Variants in CHST9 observed in about 807,000 individuals in gnomAD.
CHST9 encodes carbohydrate sulfotransferase 9, also known as GalNAc-4-sulfotransferase 2.
A neutral mutation model predicts 44.4 loss-of-function variants in CHST9; 41 were observed. That is an observed-to-expected ratio of 0.92 (90% CI 0.72 to 1.20). The LOEUF is 1.20. Ranked by LOEUF, CHST9 falls within the 50% of genes most tolerant of loss-of-function variation. The probability of loss-of-function intolerance (pLI) is 0.00; values close to 1 mark genes in which losing one functional copy is unlikely to be tolerated. For synonymous variants in CHST9, 171 were observed against 178.4 expected, an observed-to-expected ratio of 0.96 and a Z score of 0.33; for missense variants, 504 against 516.5, an observed-to-expected ratio of 0.98 and a Z score of 0.23.
At chr18:27,042,965 T>A (rs1183072354) in intron 3 of CHST9, among the ~76,000 whole-genome samples, 1 of 152,048 alleles carries the variant, frequency 6.6e-6, no homozygotes, top group Non-Finnish European at 1.5e-5. Flanking sequence ...TGAGTAGATA[T>A]CTCCCTGCAA....
At chr18:27,081,542 A>G (rs923464321) in intron 2 of CHST9, among the ~76,000 whole-genome samples, 17 of 151,658 alleles carry the variant, frequency 1.1e-4, no homozygotes, top group African/African-American at 4.1e-4. Flanking sequence ...TCCCATCCCA[A>G]CCCTCCTAGA....
intron 1 of CHST9, among the ~76,000 whole-genome samples, chr18:27,144,223 T>C (rs923318087): frequency 4.6e-5 from 7 of 152,214 alleles, no homozygotes; most frequent in African/African-American, 1.7e-4. Context: ...ATCAAAAAGT[T>C]ATCTCTTCTA....
chr18:27,000,650 A>ATCTATCTATCTC (rs1417417397), intron 4 of CHST9, among the ~76,000 whole-genome samples: 2 of 150,782 alleles, frequency 1.3e-5, no homozygotes, highest in Non-Finnish European at 3.0e-5. Context: ...CTATCTATCT[A>ATCTATCTATCTC]TCTATCTCTC....
At chr18:27,115,271 T>C (rs1337320389) in intron 2 of CHST9, among the ~76,000 whole-genome samples, 5 of 152,214 alleles carry the variant, frequency 3.3e-5, no homozygotes, top group Admixed American at 2.6e-4. Flanking sequence ...ATTTGAATTG[T>C]TTGAACTTTA....
chr18:26,952,871 G>A (rs942861761), intron 4 of CHST9, among the ~76,000 whole-genome samples: 1 of 152,116 alleles, frequency 6.6e-6, no homozygotes, highest in Non-Finnish European at 1.5e-5. Flanking sequence ...AGTGCCTCCT[G>A]AGAAGTGTTT....
chr18:27,031,745 T>G (rs2057342913), intron 3 of CHST9, among the ~76,000 whole-genome samples: 1 of 152,178 alleles, frequency 6.6e-6, no homozygotes, highest in African/African-American at 2.4e-5. Flanking sequence ...ATAGGCCACT[T>G]CTAATCCCAA....
At chr18:27,124,078 G>A (rs189729752) in intron 2 of CHST9, among the ~76,000 whole-genome samples, 6 of 152,284 alleles carry the variant, frequency 3.9e-5, no homozygotes, top group African/African-American at 1.2e-4. Flanking sequence ...AGTGCTACCC[G>A]CTGCACACAC....
At chr18:27,078,108 A>T (rs1187824973) in intron 2 of CHST9, among the ~76,000 whole-genome samples, 2 of 152,202 alleles carry the variant, frequency 1.3e-5, no homozygotes, top group African/African-American at 4.8e-5. Flanking sequence ...ACTGAGAATT[A>T]CAATTTGACT....
intron 1 of CHST9, among the ~76,000 whole-genome samples, chr18:27,172,255 AAAC>A (rs2058838959): frequency 5.3e-5 from 8 of 152,134 alleles, no homozygotes; most frequent in Admixed American, 5.2e-4. Flanking sequence ...CTATAAATTC[AAAC>A]AACTTTTAAC....
chr18:27,130,882 C>T (rs1479106722), intron 2 of CHST9, among the ~76,000 whole-genome samples: 1 of 151,892 alleles, frequency 6.6e-6, no homozygotes, highest in Non-Finnish European at 1.5e-5. Flanking sequence ...TCACATAAGG[C>T]TACAAATATG....
At chr18:27,150,457 C>T (rs2058650628) in intron 1 of CHST9, among the ~76,000 whole-genome samples, 1 of 152,196 alleles carries the variant, frequency 6.6e-6, no homozygotes, top group South Asian at 2.1e-4. Context: ...TCCTTGTCTT[C>T]AATCAATGAG....
At chr18:26,921,367 G>A (rs372475527) in intron 5 of CHST9, among the ~76,000 whole-genome samples, 16 of 152,156 alleles carry the variant, frequency 1.1e-4, no homozygotes, top group African/African-American at 3.9e-4. Context: ...GTGTCCTCCT[G>A]TTTTATTGAG....
rs1455564847 is a variant in CHST9 at position 27,148,728 on chromosome 18, G to A, written c.-96-5823C>T. ...TGCCACAATAAACATACATGTGCAT[G>A]TGTCTTTATAGCAGCATGATTTATA... On this transcript the variant is annotated intron_variant, in intron 1 of 5. Transcript: ENST00000618847. Among the ~76,000 whole-genome samples the A allele has an allele frequency of 9.4e-5, 13 of 137,780 alleles. No homozygotes were observed. In the Admixed American group the frequency reaches 9.7e-4, roughly 10 times the overall value. 90.4% of individuals were successfully genotyped at this position (137,780 alleles called of 152,430 possible).
At chr18:27,134,691 T>C (rs963062661) in intron 2 of CHST9, among the ~76,000 whole-genome samples, 1 of 152,202 alleles carries the variant, frequency 6.6e-6, no homozygotes, top group Non-Finnish European at 1.5e-5. Context: ...ATTTATATAA[T>C]TCTCTTATAG....
chr18:27,131,582 C>A (rs915914134), intron 2 of CHST9, among the ~76,000 whole-genome samples: 2 of 152,016 alleles, frequency 1.3e-5, no homozygotes, highest in African/African-American at 4.8e-5. Flanking sequence ...AAAACAAAAA[C>A]TGAGTTCCTG....
At chr18:27,148,102 G>A (rs2058628992) in intron 1 of CHST9, among the ~76,000 whole-genome samples, 1 of 151,912 alleles carries the variant, frequency 6.6e-6, no homozygotes, top group Non-Finnish European at 1.5e-5. Flanking sequence ...ACTTATAACT[G>A]AGAACATGCA....
intron 2 of CHST9, among the ~76,000 whole-genome samples, chr18:27,094,900 G>A (rs1276798646): frequency 6.6e-6 from 1 of 152,096 alleles, no homozygotes; most frequent in Non-Finnish European, 1.5e-5. Context: ...TCTTTTTACA[G>A]ACAAGGTAAT....
intron 3 of CHST9, among the ~76,000 whole-genome samples, chr18:27,047,412 G>GTC (rs1220884896): frequency 6.6e-6 from 1 of 151,736 alleles, no homozygotes; most frequent in African/African-American, 2.4e-5. Context: ...GTGTGTGTGT[G>GTC]TGTGTGTGTT....
At chr18:27,145,004 A>C (rs67364402) in intron 1 of CHST9, among the ~76,000 whole-genome samples, 48,186 of 151,986 alleles carry the variant, frequency 0.32, 8,264 homozygotes, top group Non-Finnish European at 0.39. Context: ...ACAAAATAAA[A>C]AACCAGTTCT....
Sources: allele counts gnomAD v4.1 joint callset (sites outside exome capture counted in the v4.1 genomes callset), GRCh38; gene constraint gnomAD v4.1.1; transcripts MANE v1.5; gene names NCBI Gene and HGNC (gene_info 2026-07-23, HGNC 2026-07-21).